KCNH7: variants seen among roughly 807,000 people sequenced by gnomAD.
The protein encoded by KCNH7 is potassium voltage-gated channel subfamily H member 7.
A neutral mutation model predicts 120.8 loss-of-function variants in KCNH7; 49 were observed. The observed-to-expected ratio is 0.41, with a 90% CI of 0.32 to 0.51. The LOEUF (loss-of-function observed/expected upper bound fraction) is 0.51, where lower values mean the gene tolerates loss of function less well. Ranked by LOEUF, KCNH7 falls within the 20% of genes least tolerant of loss-of-function variation. The pLI is 0.38. For synonymous variants in KCNH7, 547 were observed against 516.1 expected (o/e 1.06, Z -0.81); for missense variants, 1,097 against 1,446.6 (o/e 0.76, Z 3.92).
intron 2 of KCNH7, among the ~76,000 whole-genome samples, chr2:162,613,955 T>TAA: frequency 7.4e-6 from 1 of 134,706 alleles, no homozygotes; most frequent in African/African-American, 2.7e-5. Context: ...AAGAGAAAGT[T>TAA]TTTTTTTTTT....
At chr2:162,838,288 A>T (rs1004606240) in intron 1 of KCNH7, among the ~76,000 whole-genome samples, 155 bp downstream of exon 1, 2 of 151,836 alleles carry the variant, frequency 1.3e-5, no homozygotes, top group Non-Finnish European at 2.9e-5. Context: ...TCAGAAGAAC[A>T]CTCCCGCTGC....
intron 6 of KCNH7, among the ~76,000 whole-genome samples, chr2:162,463,792 A>C (rs1689225652): frequency 6.6e-6 from 1 of 151,714 alleles, no homozygotes. Context: ...TAATAAAAAA[A>C]AACAACTATA....
chr2:162,619,405 C>T (rs1294622083), intron 2 of KCNH7, among the ~76,000 whole-genome samples: 1 of 151,614 alleles, frequency 6.6e-6, no homozygotes, highest in Non-Finnish European at 1.5e-5. Flanking sequence ...TTTTATAATT[C>T]TCCCCAAGTA....
At chr2:162,612,862 C>T (rs1228723354) in intron 2 of KCNH7, among the ~76,000 whole-genome samples, 1 of 151,948 alleles carries the variant, frequency 6.6e-6, no homozygotes, top group Admixed American at 6.5e-5. Flanking sequence ...CCTTAACTTA[C>T]AGGCTGCAAC....
chr2:162,481,068 G>T (rs1476810703), intron 6 of KCNH7, among the ~76,000 whole-genome samples: 1 of 152,094 alleles, frequency 6.6e-6, no homozygotes, highest in African/African-American at 2.4e-5. Context: ...GGCTCCTCCA[G>T]ACTGGGTTAC....
chr2:162,673,914 T>C (rs1221247845), intron 2 of KCNH7, among the ~76,000 whole-genome samples: 1 of 151,936 alleles, frequency 6.6e-6, no homozygotes, highest in East Asian at 1.9e-4. Flanking sequence ...TCTGCCAAAA[T>C]ACCAAACCAA....
chr2:162,408,903 T>C (rs946556763), intron 9 of KCNH7, among the ~76,000 whole-genome samples: 1 of 151,756 alleles, frequency 6.6e-6, no homozygotes, highest in Non-Finnish European at 1.5e-5. Context: ...TGAAACAATT[T>C]AGAAAACAAT....
chr2:162,696,712 A>C (rs770964518), intron 2 of KCNH7, among the ~76,000 whole-genome samples: 1 of 152,198 alleles, frequency 6.6e-6, no homozygotes, highest in Non-Finnish European at 1.5e-5. Context: ...AAGTAATCTT[A>C]TCATATCAGT....
intron 8 of KCNH7, among the ~76,000 whole-genome samples, chr2:162,425,913 A>T (rs1405207317): frequency 6.6e-6 from 1 of 152,112 alleles, no homozygotes; most frequent in Non-Finnish European, 1.5e-5. Context: ...ATAGTTGAAT[A>T]GATAAGAGAC....
rs763884668 is a variant in KCNH7, at chr2:162,838,469, G to A, written c.50C>T (p.Thr17Ile). The change falls in exon 1 of 16, where the codon ACC (threonine) becomes ATC (isoleucine). Residue 17 changes from threonine to isoleucine, a missense_variant. Physicochemically the swap from Thr to Ile is moderately conservative, Grantham distance 89. Coordinates refer to ENST00000332142, the MANE Select transcript of KCNH7 (RefSeq NM_033272.4). ...HVAPQNTFLG[T>I]IIRKFEGQNK... ...TTGCCCTTCAAATTTCCGAATGATGGTCCCCAGAAATGTATTTTGTGGTGC... is the reference window on the plus strand; with the variant it reads ...TTGCCCTTCAAATTTCCGAATGATGATCCCCAGAAATGTATTTTGTGGTGC... 12 of 1,613,838 alleles carry A rather than the reference G, an allele frequency of 7.4e-6. No individual in the cohort carries two copies. In the East Asian group the frequency reaches 1.1e-4, roughly 15 times the overall value.
Position 162,373,665 on chromosome 2 carries a change from A to T in KCNH7, c.3132-3T>A. The T allele has an allele frequency of 6.8e-7, 1 of 1,463,070 alleles. No individual in the cohort carries two copies. The highest frequency in any genetic ancestry group is 9.1e-7 in the Non-Finnish European group (1 of 1,102,616). 90.6% of individuals were successfully genotyped at this position (1,463,070 alleles called of 1,614,324 possible). A position where few individuals can be genotyped will look rare whatever the true frequency, so the allele number is the denominator to read the frequency against. On this transcript the variant is annotated splice_region_variant and splice_polypyrimidine_tract_variant and intron_variant, in intron 14 of 15. Coordinates refer to ENST00000332142, the MANE Select transcript of KCNH7 (RefSeq NM_033272.4). ...CAGTGGTCATTTGGGATTCAAGCCT[A>T]CAGAACAGACAGAAGTAGGAAAAGA...
chr2:162,777,159 C>G (rs1683271593), intron 2 of KCNH7, among the ~76,000 whole-genome samples: 1 of 152,116 alleles, frequency 6.6e-6, no homozygotes, highest in Admixed American at 6.6e-5. Context: ...CAGTATAGTA[C>G]AGACATAACT....
At chr2:162,494,694 T>C (rs1329917813) in intron 6 of KCNH7, among the ~76,000 whole-genome samples, 2 of 152,158 alleles carry the variant, frequency 1.3e-5, no homozygotes, top group Non-Finnish European at 2.9e-5. Context: ...CAGACAATTG[T>C]TGTCTTGCTT....
intron 2 of KCNH7, among the ~76,000 whole-genome samples, chr2:162,777,039 A>C (rs1683267187): frequency 6.6e-6 from 1 of 152,150 alleles, no homozygotes; most frequent in Admixed American, 6.5e-5. Context: ...TTTGACTAGT[A>C]CATAAAGGCT....
intron 2 of KCNH7, among the ~76,000 whole-genome samples, chr2:162,596,428 C>T (rs138672663): frequency 2.7e-3 from 404 of 152,022 alleles, no homozygotes; most frequent in African/African-American, 9.3e-3. Flanking sequence ...ATTTTTTTGA[C>T]AAAGGTGCCA....
chr2:162,534,456 T>C (rs1010732298), intron 3 of KCNH7, among the ~76,000 whole-genome samples: 1 of 151,462 alleles, frequency 6.6e-6, no homozygotes, highest in East Asian at 1.9e-4. Context: ...TAAAAAATCA[T>C]AAAATACTAC....
At chr2:162,560,038 T>C (rs532226648) in intron 2 of KCNH7, among the ~76,000 whole-genome samples, 6 of 152,212 alleles carry the variant, frequency 3.9e-5, no homozygotes, top group Non-Finnish European at 7.3e-5. Context: ...TTGACCTATA[T>C]GTTTGTCTGT....
intron 2 of KCNH7, among the ~76,000 whole-genome samples, chr2:162,620,169 G>T (rs560391826): frequency 3.3e-4 from 42 of 129,104 alleles, no homozygotes; most frequent in South Asian, 3.1e-3. Context: ...TATAGAGAGA[G>T]AGATAGATAT....
rs149905813 is a variant in KCNH7, at chr2:162,577,409, C to T, written c.308-40329G>A. Reference sequence around the variant, plus strand: ...TCTATCTATCTATCCATCTATCTATCTATCTATTCATAGGTAGGGGAAAAA... The same window carrying T: ...TCTATCTATCTATCCATCTATCTATTTATCTATTCATAGGTAGGGGAAAAA... On this transcript the variant is annotated intron_variant, in intron 2 of 15. Coordinates refer to ENST00000332142, the MANE Select transcript of KCNH7 (RefSeq NM_033272.4). 5.3e-4 allele frequency among the ~76,000 whole-genome samples: 80 copies of T among 150,042 alleles called. 1 individual carries two copies. The highest frequency in any genetic ancestry group is 1.8e-3 in the African/African-American group (73 of 40,772).
Sources: gnomAD v4.1 joint callset for allele counts (sites outside exome capture counted in the v4.1 genomes callset) on GRCh38, gnomAD v4.1.1 for gene constraint, MANE v1.5 for transcripts, NCBI Gene and HGNC (gene_info 2026-07-23, HGNC 2026-07-21) for gene names.